LRRC4C: variants seen among roughly 807,000 people sequenced by gnomAD.
LRRC4C encodes the protein leucine-rich repeat-containing protein 4C.
A neutral mutation model predicts 33.6 loss-of-function variants in LRRC4C; 5 were observed. That is an observed-to-expected ratio of 0.15 (90% CI 0.08 to 0.31). The LOEUF (loss-of-function observed/expected upper bound fraction) is 0.31. Among genes scored for constraint, LRRC4C ranks in the 10% least tolerant of loss-of-function variants. The pLI, the probability that LRRC4C is intolerant of heterozygous loss-of-function variation, is 1.00. For synonymous variants in LRRC4C, 329 were observed against 302.0 expected, an observed-to-expected ratio of 1.09 and a Z score of -0.93; for missense variants, 560 against 796.7, an observed-to-expected ratio of 0.70 and a Z score of 3.58.
chr11:40,670,469 T>C lies in LRRC4C; in HGVS notation c.-406-22191A>G, dbSNP rs113999287. ...TCAGACCAATGTGAATACCATTTTT[T>C]AATGCGGCTACATTGATGGTACTTG... On this transcript the variant is annotated intron_variant, in intron 2 of 6. Transcript: ENST00000528697. Among the ~76,000 whole-genome samples the C allele has an allele frequency of 6.9e-3, 1,044 of 152,368 alleles. 15 individuals carry two copies. The highest frequency in any genetic ancestry group is 0.024 in the African/African-American group (1,015 of 41,580).
At chr11:40,466,142 C>T (rs1339470365) in intron 3 of LRRC4C, among the ~76,000 whole-genome samples, 2 of 151,930 alleles carry the variant, frequency 1.3e-5, no homozygotes, top group Non-Finnish European at 2.9e-5. Flanking sequence ...GGCTATTATC[C>T]TAAGTGAAAC....
Position 40,750,570 on chromosome 11 carries a change from C to T in LRRC4C, c.-406-102292G>A, listed in dbSNP as rs547506472. ...ATTGCAAGGACAAGAAACCAAATAC[C>T]GCATGTTCTCACTCATAGGTGGGAA... On this transcript the variant is annotated intron_variant, in intron 2 of 6. Transcript: ENST00000528697. Among the ~76,000 whole-genome samples the T allele has an allele frequency of 2.2e-3, 326 of 146,844 alleles. 1 individual carries two copies. The highest frequency in any genetic ancestry group is 3.4e-3 in the Non-Finnish European group (226 of 67,402).
intron 2 of LRRC4C, among the ~76,000 whole-genome samples, chr11:40,705,817 C>A (rs1004837293): frequency 6.6e-6 from 1 of 152,096 alleles, no homozygotes. Context: ...TTTACACTCC[C>A]ACCAACAGTG....
chr11:40,744,972 G>T (rs1309640847), intron 2 of LRRC4C, among the ~76,000 whole-genome samples: 5 of 152,034 alleles, frequency 3.3e-5, no homozygotes, highest in Non-Finnish European at 7.4e-5. Flanking sequence ...CTCATAAAAT[G>T]ATGAGAATAA....
intron 5 of LRRC4C, among the ~76,000 whole-genome samples, chr11:40,210,305 A>C (rs577996048): frequency 6.6e-6 from 1 of 152,000 alleles, no homozygotes; most frequent in African/African-American, 2.4e-5. Flanking sequence ...TATGCAATAT[A>C]AAGTTTAGAG....
chr11:41,315,918 A>C (rs1299898574), intron 1 of LRRC4C, among the ~76,000 whole-genome samples: 1 of 152,194 alleles, frequency 6.6e-6, no homozygotes, highest in Non-Finnish European at 1.5e-5. Context: ...TATCACTAAG[A>C]TGCAACATTA....
chr11:40,799,716 G>C (rs1950966127), intron 2 of LRRC4C, among the ~76,000 whole-genome samples: 1 of 152,164 alleles, frequency 6.6e-6, no homozygotes, highest in Non-Finnish European at 1.5e-5. Context: ...TGATTCACCT[G>C]CCTCGGCCTC....
In LRRC4C at chr11:41,074,337, A is replaced by G. The variant is rs115657182; in HGVS notation, c.-495-140614T>C. Among the ~76,000 whole-genome samples, 606 of 152,310 alleles carry G rather than the reference A, an allele frequency of 4.0e-3. 10 individuals are homozygous for G. The highest frequency in any genetic ancestry group is 0.014 in the African/African-American group (584 of 41,568). ...ATATAAAGAGAGATCTTTCCACTTTAAAGATATTCCTTACTCTATAATGAA... is the reference window on the plus strand; with the variant it reads ...ATATAAAGAGAGATCTTTCCACTTTGAAGATATTCCTTACTCTATAATGAA... On this transcript the variant is annotated intron_variant, in intron 1 of 6. Coordinates refer to ENST00000528697, the MANE Select transcript of LRRC4C (RefSeq NM_001258419.2).
At chr11:40,413,025 C>T (rs1950205970) in intron 3 of LRRC4C, among the ~76,000 whole-genome samples, 1 of 152,020 alleles carries the variant, frequency 6.6e-6, no homozygotes, top group Non-Finnish European at 1.5e-5. Flanking sequence ...TCTTTTGATT[C>T]CAACTCAATT....
intron 2 of LRRC4C, among the ~76,000 whole-genome samples, chr11:40,654,276 A>C (rs780733835): frequency 2.3e-4 from 35 of 152,130 alleles, no homozygotes; most frequent in Admixed American, 5.2e-4. Flanking sequence ...GACATTTTGC[A>C]CTGTGTGCTG....
At chr11:41,447,988 T>A (rs938258978) in intron 1 of LRRC4C, among the ~76,000 whole-genome samples, 21 of 152,068 alleles carry the variant, frequency 1.4e-4, no homozygotes, top group African/African-American at 5.1e-4. Context: ...CTTAATAGTC[T>A]TTTTCCTTTA....
chr11:40,129,963 G>A (rs955103311), intron 6 of LRRC4C, among the ~76,000 whole-genome samples: 1 of 152,046 alleles, frequency 6.6e-6, no homozygotes, highest in Admixed American at 6.6e-5. Context: ...CTCTCATGAT[G>A]CTGGAGAGAT....
At chr11:40,826,911 A>G (rs1364394665) in intron 2 of LRRC4C, among the ~76,000 whole-genome samples, 1 of 152,012 alleles carries the variant, frequency 6.6e-6, no homozygotes, top group Non-Finnish European at 1.5e-5. Context: ...AAATAAATCA[A>G]TCATATCAAC....
At chr11:40,974,584 T>C (rs373122740) in intron 1 of LRRC4C, among the ~76,000 whole-genome samples, 1 of 152,218 alleles carries the variant, frequency 6.6e-6, no homozygotes, top group Non-Finnish European at 1.5e-5. Context: ...TTGTCAATAT[T>C]ATAAGTGTGA....
rs552559249 is a variant in LRRC4C, at chr11:40,128,556, C to A, written c.-42-12222G>T. ...AAATTAAAAATATGTTCATGCTATTCTTTTAGTTGAAACACCCCTATTAGC... is the reference window on the plus strand; with the variant it reads ...AAATTAAAAATATGTTCATGCTATTATTTTAGTTGAAACACCCCTATTAGC... On this transcript the variant is annotated intron_variant, in intron 6 of 6. Coordinates refer to ENST00000528697, the MANE Select transcript of LRRC4C (RefSeq NM_001258419.2). Among the ~76,000 whole-genome samples, 5 of 152,214 alleles carry A rather than the reference C, an allele frequency of 3.3e-5. No homozygotes were observed. In the South Asian group the frequency reaches 1.0e-3, roughly 32 times the overall value.
intron 5 of LRRC4C, among the ~76,000 whole-genome samples, chr11:40,207,872 T>C (rs2135790100): frequency 6.6e-6 from 1 of 152,226 alleles, no homozygotes; most frequent in South Asian, 2.1e-4. Flanking sequence ...TTCCATCCAG[T>C]TCCACAGCAC....
chr11:40,649,382 A>C (rs933204257), intron 2 of LRRC4C, among the ~76,000 whole-genome samples: 2 of 152,156 alleles, frequency 1.3e-5, no homozygotes, highest in African/African-American at 2.4e-5. Context: ...ATTTAGCAAT[A>C]TCTTCCCTAC....
intron 2 of LRRC4C, among the ~76,000 whole-genome samples, chr11:40,813,982 C>T (rs1330990246): frequency 6.6e-6 from 1 of 152,188 alleles, no homozygotes; most frequent in East Asian, 1.9e-4. Flanking sequence ...AGGGTAGAGC[C>T]CTTCTCCTGG....
At chr11:41,123,377 A>G (rs4453226) in intron 1 of LRRC4C, among the ~76,000 whole-genome samples, 27,616 of 138,258 alleles carry the variant, frequency 0.2, 3,275 homozygotes, top group East Asian at 0.39. Context: ...GGTTCACGCC[A>G]TTCTCCTGCC....
Sources: allele counts gnomAD v4.1 joint callset (sites outside exome capture counted in the v4.1 genomes callset), GRCh38; gene constraint gnomAD v4.1.1; transcripts MANE v1.5; gene names NCBI Gene and HGNC (gene_info 2026-07-23, HGNC 2026-07-21).